Variants in DIS3L2 observed in about 807,000 individuals in gnomAD.
DIS3L2 encodes DIS3 like 3'-5' exoribonuclease 2.
DIS3L2 carries 34 observed loss-of-function variants against 97.5 expected under a neutral mutation model. That is an observed-to-expected ratio of 0.35 (90% CI 0.27 to 0.46). The LOEUF (loss-of-function observed/expected upper bound fraction) is 0.46, where lower values mean the gene tolerates loss of function less well. DIS3L2 is among the 20% of genes least tolerant of loss of function. The pLI is 1.00. For synonymous variants in DIS3L2, 435 were observed against 445.2 expected (o/e 0.98, Z 0.29); for missense variants, 1,038 against 1,146.0 (o/e 0.91, Z 1.36).
In DIS3L2 at chr2:232,276,038, C is replaced by G. The variant is rs1346045558; in HGVS notation, c.1659+12598C>G. Reference sequence around the variant, plus strand: ...ACAAATTAGAAATTATTTAATTGCTCCTTGAATCGTGACCTCCTGGGGTAA... The same window carrying G: ...ACAAATTAGAAATTATTTAATTGCTGCTTGAATCGTGACCTCCTGGGGTAA... On this transcript the variant is annotated intron_variant, in intron 13 of 20. Coordinates refer to ENST00000325385, the MANE Select transcript of DIS3L2 (RefSeq NM_152383.5). This position sits in a 1 kb window ranked among gnomAD's most constrained non-coding sequence, Gnocchi z 4.4. 6.6e-6 allele frequency among the ~76,000 whole-genome samples: 1 copy of G among 152,210 alleles called. No individual in the cohort carries two copies. Among genetic ancestry groups the G allele is most frequent in the Non-Finnish European group, 1.5e-5 (1 of 68,038 alleles).
At chr2:232,243,938 A>G (rs1693175550) in intron 11 of DIS3L2, among the ~76,000 whole-genome samples, 2 of 152,188 alleles carry the variant, frequency 1.3e-5, no homozygotes, top group Admixed American at 6.5e-5. Context: ...CATCCACAGG[A>G]CATGCAAAAG....
chr2:232,341,304 C>T (rs374600871), downstream of DIS3L2, among the ~76,000 whole-genome samples: 3 of 152,184 alleles, frequency 2.0e-5, no homozygotes, highest in African/African-American at 4.8e-5. Context: ...CGCCCCGGGA[C>T]GTCCCACCCA....
intron 3 of DIS3L2, among the ~76,000 whole-genome samples, chr2:232,019,551 C>G (rs1272886778): frequency 2.0e-5 from 2 of 100,242 alleles, no homozygotes; most frequent in East Asian, 3.2e-4. Flanking sequence ...GACCCTGTCT[C>G]TCTCTCTTTT....
rs1178265295 is a variant in DIS3L2 at position 232,335,766 on chromosome 2, A to G, written c.2395-7A>G. 3 of 1,550,010 alleles carry G rather than the reference A, an allele frequency of 1.9e-6. No homozygotes were observed. The highest frequency in any genetic ancestry group is 2.0e-5 in the Admixed American group (1 of 50,996). On this transcript the variant is annotated splice_polypyrimidine_tract_variant and splice_region_variant and intron_variant, in intron 19 of 20. Coordinates refer to ENST00000325385, the MANE Select transcript of DIS3L2 (RefSeq NM_152383.5). ...CTGAGGCCTGAGGCTTGGTGTTTGCACTCCAGGCACTGGCCCTGCGGTCCC... is the reference window on the plus strand; with the variant it reads ...CTGAGGCCTGAGGCTTGGTGTTTGCGCTCCAGGCACTGGCCCTGCGGTCCC...
intron 10 of DIS3L2, among the ~76,000 whole-genome samples, chr2:232,236,990 T>A (rs1193895751): frequency 2.0e-5 from 3 of 152,156 alleles, no homozygotes; most frequent in Non-Finnish European, 4.4e-5. Flanking sequence ...CCTCAAGTGA[T>A]CCGCCAGCCT....
At chr2:232,005,240 T>C (rs1694019890) in intron 1 of DIS3L2, among the ~76,000 whole-genome samples, 1 of 151,678 alleles carries the variant, frequency 6.6e-6, no homozygotes, top group Non-Finnish European at 1.5e-5. Flanking sequence ...GATTGCGTCT[T>C]GTCTCCTGTA....
chr2:232,231,236 G>A (rs1199368233), intron 10 of DIS3L2, among the ~76,000 whole-genome samples: 2 of 152,200 alleles, frequency 1.3e-5, no homozygotes. Context: ...CATAGTAGGA[G>A]CTTAGTAAGT....
chr2:232,161,544 C>G (rs989071900), intron 8 of DIS3L2, among the ~76,000 whole-genome samples: 1 of 152,154 alleles, frequency 6.6e-6, no homozygotes, highest in Non-Finnish European at 1.5e-5. Flanking sequence ...CATCTTGGCT[C>G]GCTGCAACCT....
chr2:232,255,722 A>G (rs1267519387), intron 12 of DIS3L2, among the ~76,000 whole-genome samples: 10 of 152,192 alleles, frequency 6.6e-5, no homozygotes, highest in Admixed American at 5.2e-4. Flanking sequence ...TTGATTAGCT[A>G]TCCTCAGTTT....
intron 3 of DIS3L2, among the ~76,000 whole-genome samples, chr2:232,022,848 C>T (rs955722064): frequency 6.6e-6 from 1 of 152,180 alleles, no homozygotes; most frequent in African/African-American, 2.4e-5. Context: ...CTTCCCTCAA[C>T]AAGAAACAGC....
chr2:232,315,098 C>T (rs1695232849), intron 14 of DIS3L2, among the ~76,000 whole-genome samples: 1 of 152,122 alleles, frequency 6.6e-6, no homozygotes, highest in South Asian at 2.1e-4. Context: ...GAGGCTTGCC[C>T]CTTCCCAAGA....
At chr2:232,155,158 G>A (rs984147467) in intron 8 of DIS3L2, among the ~76,000 whole-genome samples, 9 of 146,128 alleles carry the variant, frequency 6.2e-5, no homozygotes, top group Admixed American at 2.0e-4. Context: ...GAAATCACCC[G>A]TCTTCTGCGT....
At chr2:232,176,480 C>G (rs1428607841) in intron 9 of DIS3L2, among the ~76,000 whole-genome samples, 3 of 151,210 alleles carry the variant, frequency 2.0e-5, no homozygotes, top group Admixed American at 6.6e-5. Context: ...TTTATTTCTA[C>G]TCTAATCTTT....
At chr2:232,059,845 T>A (rs1695652999) in intron 5 of DIS3L2, among the ~76,000 whole-genome samples, 1 of 152,190 alleles carries the variant, frequency 6.6e-6, no homozygotes. Context: ...TGGTATTCCA[T>A]GGTATATGTG....
rs1036176433 is a variant in DIS3L2 at position 232,030,962 on chromosome 2, T to G, written c.366+882T>G. On this transcript the variant is annotated intron_variant, in intron 5 of 20. Coordinates refer to ENST00000325385, the MANE Select transcript of DIS3L2 (RefSeq NM_152383.5). ...GTGTCTTCTTCAATAATACGTGTTA[T>G]AGAGTAGTGACTAAAAGTATGGGCT... is the stretch of plus-strand genomic sequence containing the variant. 3.3e-5 allele frequency among the ~76,000 whole-genome samples: 5 copies of G among 152,218 alleles called. No homozygotes were observed. The East Asian group carries it at 9.6e-4, about 29-fold the overall frequency.
chr2:232,096,893 C>T (rs1332756626), intron 6 of DIS3L2, among the ~76,000 whole-genome samples: 1 of 152,124 alleles, frequency 6.6e-6, no homozygotes, highest in Non-Finnish European at 1.5e-5. Flanking sequence ...TGAAAGGTTA[C>T]ATATCTCTGT....
At chr2:232,210,088 C>G (rs948864433) in intron 9 of DIS3L2, among the ~76,000 whole-genome samples, 3 of 152,210 alleles carry the variant, frequency 2.0e-5, no homozygotes, top group African/African-American at 7.2e-5. Context: ...CACATCTCTT[C>G]TGGCTTGGGG....
chr2:232,236,992 C>T (rs1248655379), intron 10 of DIS3L2, among the ~76,000 whole-genome samples: 4 of 152,128 alleles, frequency 2.6e-5, no homozygotes, highest in Admixed American at 1.3e-4. Context: ...TCAAGTGATC[C>T]GCCAGCCTTG....
chr2:232,263,435 G>A lies in DIS3L2; in HGVS notation c.1654G>A (p.Asp552Asn). The change falls in exon 13 of 21, where the codon GAT becomes AAT. Residue 552 changes from aspartate to asparagine, a missense_variant. Physicochemically the swap from Asp to Asn is conservative, Grantham distance 23 (BLOSUM62 1). This residue lies in a region of DIS3L2 where 813 missense variants were observed against 880.1 expected (regional missense o/e 0.92). Transcript: ENST00000325385. Reference sequence around the variant, plus strand: ...CTTTGTGGACGGCGCACTTCGTTTGGATCAGGTCAGTACGTGTTTTTTTAG... The same window carrying A: ...CTTTGTGGACGGCGCACTTCGTTTGAATCAGGTCAGTACGTGTTTTTTTAG... ...QRFVDGALRLDQLKLAFTLDH... is the reference protein window; with the variant it reads ...QRFVDGALRLNQLKLAFTLDH... 1 of 1,614,158 alleles carries A rather than the reference G, an allele frequency of 6.2e-7. No homozygotes were observed. The highest frequency in any genetic ancestry group is 8.5e-7 in the Non-Finnish European group (1 of 1,180,040).
Sources: gnomAD v4.1 joint callset for allele counts (sites outside exome capture counted in the v4.1 genomes callset) on GRCh38, gnomAD v4.1.1 for gene constraint, gnomAD v4.1.1 regional missense constraint, Gnocchi (gnomAD v3.1) non-coding constraint, MANE v1.5 for transcripts, NCBI Gene and HGNC (gene_info 2026-07-23, HGNC 2026-07-21) for gene names.